The following FIRRM variants were observed in gnomAD, a reference collection of about 807,000 sequenced individuals.
The protein encoded by FIRRM is FIGNL1 interacting regulator of recombination and mitosis.
the FIRRM span, among the ~76,000 whole-genome samples, chr1:169,808,438 T>A: frequency 1.6e-4 from 24 of 152,316 alleles, no homozygotes; most frequent in East Asian, 4.2e-3. Context: ...TATGAAACAT[T>A]ATATTCTAAA....
At chr1:169,851,049 T>TTTTTTG in the FIRRM span, 1 of 54,962 alleles carries the variant, frequency 1.8e-5, no homozygotes, top group Non-Finnish European at 3.2e-5. Context: ...AGGGCCCTTT[T>TTTTTTG]TTTTTTTTTT....
the FIRRM span, among the ~76,000 whole-genome samples, chr1:169,802,299 C>T: frequency 3.9e-5 from 6 of 151,922 alleles, no homozygotes; most frequent in African/African-American, 7.3e-5. Flanking sequence ...ATTTATTGTG[C>T]GAAAGTAATA....
At chr1:169,786,715 C>A in the FIRRM span, among the ~76,000 whole-genome samples, 2 of 152,304 alleles carry the variant, frequency 1.3e-5, no homozygotes, top group East Asian at 3.9e-4. Flanking sequence ...ATTTTAGACA[C>A]ACAGAAAGAA....
the FIRRM span, chr1:169,805,887 T>C: frequency 1.5e-6 from 1 of 653,300 alleles, no homozygotes; most frequent in Non-Finnish European, 2.7e-6. Context: ...CCAAGTTGTG[T>C]TACGTATTTT....
At chr1:169,835,405 G>A in the FIRRM span, among the ~76,000 whole-genome samples, 1 of 152,150 alleles carries the variant, frequency 6.6e-6, no homozygotes, top group African/African-American at 2.4e-5. Context: ...AAAAATACAA[G>A]GAGGTTACCT....
the FIRRM span, chr1:169,851,087 TATTCTC>T: frequency 5.8e-5 from 8 of 138,210 alleles, no homozygotes; most frequent in African/African-American, 8.2e-5. Context: ...ATGGCTTTTT[TATTCTC>T]TTTGCAGCCA....
At chr1:169,836,173 T>G in the FIRRM span, among the ~76,000 whole-genome samples, 2 of 152,132 alleles carry the variant, frequency 1.3e-5, no homozygotes, top group Non-Finnish European at 2.9e-5. Context: ...CTAATATACT[T>G]CCTAGTTGGA....
chr1:169,807,667 A>G, the FIRRM span: 4 of 798,970 alleles, frequency 5.0e-6, no homozygotes, highest in African/African-American at 3.6e-5. Flanking sequence ...TAGTTATATT[A>G]TGTGATATAT....
At chr1:169,815,244 C>T in the FIRRM span, among the ~76,000 whole-genome samples, 9 of 150,330 alleles carry the variant, frequency 6.0e-5, 1 homozygote, top group Middle Eastern at 6.8e-3. Flanking sequence ...TGCAGTGAGC[C>T]GAGATCGCGC....
the FIRRM span, among the ~76,000 whole-genome samples, chr1:169,803,727 G>T: frequency 5.9e-5 from 9 of 152,188 alleles, no homozygotes; most frequent in Non-Finnish European, 1.0e-4. Flanking sequence ...ACAAAAGCTT[G>T]CCTAGAATTT....
the FIRRM span, among the ~76,000 whole-genome samples, chr1:169,808,662 T>C: frequency 2.0e-5 from 3 of 150,836 alleles, no homozygotes; most frequent in Admixed American, 2.0e-4. Context: ...TGGAGTGCAG[T>C]GGTATGACCT....
chr1:169,800,982 AT>A, the FIRRM span: 1 of 1,395,780 alleles, frequency 7.2e-7, no homozygotes, highest in Non-Finnish European at 1.0e-6. Flanking sequence ...GTATAATACT[AT>A]TACCTGAAAA....
chr1:169,800,997 A>C, the FIRRM span: 19 of 1,197,844 alleles, frequency 1.6e-5, no homozygotes, highest in Admixed American at 5.9e-5. Flanking sequence ...CTGAAAATAC[A>C]TGTTATAAGG....
chr1:169,791,164 T>C, the FIRRM span, among the ~76,000 whole-genome samples: 4 of 152,310 alleles, frequency 2.6e-5, no homozygotes, highest in East Asian at 3.9e-4. Context: ...CACGGACCAG[T>C]ACTGGTCCAC....
At chr1:169,827,019 A>G in the FIRRM span, 1 of 1,603,348 alleles carries the variant, frequency 6.2e-7, no homozygotes, top group Non-Finnish European at 8.5e-7. Context: ...GATAGCTATT[A>G]ATGAATGAGT....
chr1:169,850,551 A>G, the FIRRM span: 4 of 436,642 alleles, frequency 9.2e-6, no homozygotes, highest in Non-Finnish European at 1.7e-5. Context: ...TAATCCCAGC[A>G]CTTTGGGAGG....
chr1:169,814,876 ATGT>A, the FIRRM span, among the ~76,000 whole-genome samples: 1 of 152,222 alleles, frequency 6.6e-6, no homozygotes, highest in East Asian at 1.9e-4. Context: ...CCTAGACCCC[ATGT>A]TGTTCAAAGG....
the FIRRM span, chr1:169,850,073 C>T: frequency 5.2e-6 from 3 of 577,104 alleles, no homozygotes; most frequent in Non-Finnish European, 6.2e-6. Flanking sequence ...AAGCTTACAA[C>T]ACTTGTACAG....
At chr1:169,847,313 T>TAA in the FIRRM span, among the ~76,000 whole-genome samples, 23 of 86,330 alleles carry the variant, frequency 2.7e-4, no homozygotes, top group Non-Finnish European at 3.1e-4. Context: ...CTTATATTTC[T>TAA]AAAAAAAAAA....
Sources: gnomAD v4.1 joint callset for allele counts (sites outside exome capture counted in the v4.1 genomes callset) on GRCh38, gnomAD v4.1.1 for gene constraint, MANE v1.5 for transcripts, NCBI Gene and HGNC (gene_info 2026-07-23, HGNC 2026-07-21) for gene names.